Variants in LMNTD1 observed in about 807,000 individuals in gnomAD.
LMNTD1 encodes lamin tail domain containing 1.
In LMNTD1, 35 loss-of-function variants were observed where a neutral mutation model predicts 50.9. That is an observed-to-expected ratio of 0.69 (90% confidence interval 0.53 to 0.91). LMNTD1 has a LOEUF of 0.91. LMNTD1 is among the 40% of genes least tolerant of loss of function. LMNTD1 has a pLI of 0.00. For missense variants in LMNTD1, 470 were observed against 475.5 expected, an observed-to-expected ratio of 0.99 and a Z score of 0.11; for synonymous variants, 153 against 161.9, an observed-to-expected ratio of 0.94 and a Z score of 0.42.
intron 9 of LMNTD1, among the ~76,000 whole-genome samples, chr12:25,489,349 G>A (rs561118737): frequency 2.6e-5 from 4 of 151,228 alleles, no homozygotes; most frequent in South Asian, 2.1e-4. Flanking sequence ...TTTTTAAGCC[G>A]GTCTGAAAAG....
At chr12:25,497,337 G>A (rs1939120402) in intron 9 of LMNTD1, among the ~76,000 whole-genome samples, 1 of 152,040 alleles carries the variant, frequency 6.6e-6, no homozygotes, top group Admixed American at 6.5e-5. Context: ...ACTGTAGCAG[G>A]GGACTGGCCT....
At chr12:25,539,207 C>T (rs950188054) in intron 4 of LMNTD1, among the ~76,000 whole-genome samples, 2 of 145,334 alleles carry the variant, frequency 1.4e-5, no homozygotes, top group African/African-American at 5.1e-5. Context: ...TTGAACTCAG[C>T]TCTGCACCAA....
chr12:25,566,162 A>T (rs1030315082), intron 1 of LMNTD1, among the ~76,000 whole-genome samples: 6 of 152,104 alleles, frequency 3.9e-5, no homozygotes, highest in African/African-American at 1.4e-4. Flanking sequence ...CTTTTTAATT[A>T]TCCCTTTGAA....
chr12:25,526,719 A>G (rs183656566), intron 5 of LMNTD1, 50 bp downstream of exon 5: 2 of 1,277,740 alleles, frequency 1.6e-6, no homozygotes, highest in Non-Finnish European at 2.2e-6. Flanking sequence ...AGTGTCAACA[A>G]GTTTGTCCTG....
At chr12:25,610,160 T>C (rs1468030263) in intron 1 of LMNTD1, among the ~76,000 whole-genome samples, 1 of 152,178 alleles carries the variant, frequency 6.6e-6, no homozygotes, top group Non-Finnish European at 1.5e-5. Flanking sequence ...TGGGATTTAA[T>C]TTCCTGGTGT....
At chr12:25,564,506 C>T (rs1210481322) in intron 1 of LMNTD1, among the ~76,000 whole-genome samples, 2 of 152,186 alleles carry the variant, frequency 1.3e-5, no homozygotes, top group African/African-American at 2.4e-5. Context: ...ATCCACCTAC[C>T]TCAGCCTCCC....
intron 9 of LMNTD1, among the ~76,000 whole-genome samples, chr12:25,494,659 CAA>C (rs1939000154): frequency 6.6e-6 from 1 of 152,006 alleles, no homozygotes; most frequent in Admixed American, 6.6e-5. Context: ...TGTCTAAGCA[CAA>C]AGTCACATTA....
At position 25,612,288 on chromosome 12, in the gene LMNTD1, CCT is replaced by C. The variant is rs1946261788; in HGVS notation, c.58+36204_58+36205del. 3.5e-5 allele frequency among the ~76,000 whole-genome samples: 4 copies of C among 115,898 alleles called. No homozygotes were observed. In the Admixed American group the frequency reaches 4.2e-4, roughly 12 times the overall value. The allele number at this position is 115,898 out of a possible 152,430, so 76.0% of individuals were successfully genotyped here. ...CAGTTCTATCTGAGTCTCTAAGGTC[CCT>C]CACACACACACACACACACACACAC... On this transcript the variant is annotated intron_variant, in intron 1 of 7. Coordinates refer to the LMNTD1 transcript ENST00000445693.
At chr12:25,544,308 C>T (rs1943290802) in intron 4 of LMNTD1, among the ~76,000 whole-genome samples, 1 of 151,894 alleles carries the variant, frequency 6.6e-6, no homozygotes, top group East Asian at 1.9e-4. Context: ...ACCCCTTTAT[C>T]ATTATATAGT....
chr12:25,502,227 T>TCC (rs34604830), intron 9 of LMNTD1, among the ~76,000 whole-genome samples: 1 of 151,824 alleles, frequency 6.6e-6, no homozygotes, highest in Non-Finnish European at 1.5e-5. Flanking sequence ...CATAAAAAAT[T>TCC]CCCCCCCTTT....
At chr12:25,477,073 T>G (rs1024453182) in intron 9 of LMNTD1, among the ~76,000 whole-genome samples, 5 of 152,118 alleles carry the variant, frequency 3.3e-5, no homozygotes, top group African/African-American at 1.2e-4. Flanking sequence ...CCTCACGGAA[T>G]CCATTAACCT....
intron 1 of LMNTD1, among the ~76,000 whole-genome samples, chr12:25,609,826 C>G (rs570815929): frequency 1.3e-5 from 2 of 152,342 alleles, no homozygotes; most frequent in South Asian, 2.1e-4. Context: ...AGCAGTCTGT[C>G]TGTTCTTAGA....
intron 9 of LMNTD1, among the ~76,000 whole-genome samples, chr12:25,491,143 A>C (rs1260855565): frequency 6.6e-6 from 1 of 152,248 alleles, no homozygotes; most frequent in Non-Finnish European, 1.5e-5. Context: ...TGATTACCAC[A>C]TAGGTGCTTG....
intron 1 of LMNTD1, among the ~76,000 whole-genome samples, chr12:25,628,355 G>A (rs1482110572): frequency 1.3e-5 from 2 of 151,898 alleles, no homozygotes; most frequent in African/African-American, 4.8e-5. Flanking sequence ...GAGTTCAGAG[G>A]CCTAATTCTA....
chr12:25,609,051 CTCATT>C (rs1249516742), intron 1 of LMNTD1, among the ~76,000 whole-genome samples: 1 of 152,150 alleles, frequency 6.6e-6, no homozygotes, highest in African/African-American at 2.4e-5. Context: ...AACTTCTATT[CTCATT>C]TCATTTTATT....
In LMNTD1 at chr12:25,518,862, T is replaced by G. The variant is rs1941007807; in HGVS notation, c.1122A>C (p.Thr374=). 1 of 1,614,018 alleles carries G rather than the reference T, an allele frequency of 6.2e-7. No homozygotes were observed. Among genetic ancestry groups the G allele is most frequent in the African/African-American group, 1.3e-5 (1 of 74,980 alleles). The change falls in exon 8 of 10, where the codon ACA becomes ACC. Residue 374 remains threonine (T), a synonymous_variant. Coordinates refer to ENST00000458174, the MANE Select transcript of LMNTD1 (RefSeq NM_001145728.2). ...PYCPLIEPHN[T]STAGGRLDRQ... ...TATCCAATCTGCCTCCAGCGGTGGA[T>G]GTATTGTGTGGTTCAATCAGAGGAC...
At chr12:25,506,333 G>A (rs1416295262) in intron 8 of LMNTD1, among the ~76,000 whole-genome samples, 1 of 152,180 alleles carries the variant, frequency 6.6e-6, no homozygotes, top group Non-Finnish European at 1.5e-5. Context: ...GACAGTAGCA[G>A]GTGCAGAGTC....
intron 9 of LMNTD1, among the ~76,000 whole-genome samples, chr12:25,489,858 A>G (rs1938828445): frequency 6.6e-6 from 1 of 152,164 alleles, no homozygotes; most frequent in Non-Finnish European, 1.5e-5. Context: ...AAAGCTTCCA[A>G]AATCTTTATG....
At chr12:25,625,461 C>T (rs1946568820) in intron 1 of LMNTD1, among the ~76,000 whole-genome samples, 1 of 152,024 alleles carries the variant, frequency 6.6e-6, no homozygotes, top group Non-Finnish European at 1.5e-5. Context: ...TGGGGACATC[C>T]CTTAGGCCTA....
Sources: allele counts gnomAD v4.1 joint callset (sites outside exome capture counted in the v4.1 genomes callset), GRCh38; gene constraint gnomAD v4.1.1; transcripts MANE v1.5; gene names NCBI Gene and HGNC (gene_info 2026-07-23, HGNC 2026-07-21).